The following DIAPH2 variants were observed in gnomAD, a reference collection of about 807,000 sequenced individuals.
DIAPH2 encodes diaphanous related formin 2.
Under a neutral mutation model 92.7 loss-of-function variants are expected in DIAPH2, and 35 were observed. The ratio of observed to expected loss-of-function variants is 0.38; its 90% CI spans 0.29 to 0.50. The LOEUF (loss-of-function observed/expected upper bound fraction) is 0.50. Among genes scored for constraint, DIAPH2 ranks in the 20% least tolerant of loss-of-function variants. DIAPH2 has a pLI of 0.94. For synonymous variants in DIAPH2, 301 were observed against 280.4 expected (o/e 1.07, Z -0.73); for missense variants, 701 against 819.5 (o/e 0.86, Z 1.77).
At chrX:97,357,188 T>C (rs1365760107) in intron 24 of DIAPH2, among the ~76,000 whole-genome samples, 1 of 111,700 alleles carries the variant, frequency 9.0e-6, no homozygotes, top group African/African-American at 3.3e-5. Context: ...AAGCTGACCT[T>C]TTCCAGAAGT....
chrX:97,565,347 T>G (rs1208415322), intron 26 of DIAPH2, among the ~76,000 whole-genome samples: 1 of 112,480 alleles, frequency 8.9e-6, no homozygotes, highest in Non-Finnish European at 1.9e-5. Flanking sequence ...CTTAACACAG[T>G]GCATGGTATC....
chrX:97,256,980 T>C (rs764210151), intron 23 of DIAPH2, among the ~76,000 whole-genome samples: 2 of 91,489 alleles, frequency 2.2e-5, no homozygotes, highest in African/African-American at 7.9e-5. Flanking sequence ...TGGTTTTAAA[T>C]TGCTTTACAA....
chrX:97,009,498 T>C (rs1205773656), intron 17 of DIAPH2, among the ~76,000 whole-genome samples: 1 of 111,808 alleles, frequency 8.9e-6, no homozygotes, highest in African/African-American at 3.3e-5. Flanking sequence ...AAAACTAGTG[T>C]CTCCCTGTAG....
chrX:96,707,280 T>G (rs916139528), intron 1 of DIAPH2, among the ~76,000 whole-genome samples: 1 of 108,268 alleles, frequency 9.2e-6, no homozygotes, highest in African/African-American at 3.4e-5. Flanking sequence ...GCGATTCTCA[T>G]GCCTCAGTCT....
intron 13 of DIAPH2, among the ~76,000 whole-genome samples, chrX:96,943,382 G>T (rs1285609207): frequency 1.8e-5 from 2 of 110,784 alleles, no homozygotes; most frequent in African/African-American, 6.5e-5. Context: ...TGTAAGTGAG[G>T]GTATGAACTT....
intron 22 of DIAPH2, among the ~76,000 whole-genome samples, chrX:97,161,260 A>G (rs1301201869): frequency 9.0e-6 from 1 of 110,623 alleles, no homozygotes; most frequent in Non-Finnish European, 1.9e-5. Flanking sequence ...TATGATGTAG[A>G]TAATACTTGG....
intron 26 of DIAPH2, among the ~76,000 whole-genome samples, chrX:97,512,345 C>T (rs1318469456): frequency 4.4e-5 from 5 of 112,588 alleles, no homozygotes; most frequent in South Asian, 3.5e-4. Flanking sequence ...TCTGTGGGAT[C>T]GGTGGTGATA....
chrX:97,224,806 T>C (rs2067952811), intron 22 of DIAPH2, among the ~76,000 whole-genome samples: 1 of 111,716 alleles, frequency 9.0e-6, no homozygotes, highest in Non-Finnish European at 1.9e-5. Context: ...ATATCTCTTA[T>C]TGGGCTGTCT....
In DIAPH2 at chrX:96,684,978, G is replaced by A; in HGVS notation, c.-81G>A. ...GAAGAGGTGCCGCCGAGTCAGCGCGGGGCAGTGTGAGCGCCCCGAGGTGCT... is the reference window on the plus strand; with the variant it reads ...GAAGAGGTGCCGCCGAGTCAGCGCGAGGCAGTGTGAGCGCCCCGAGGTGCT... On this transcript the variant is annotated 5_prime_UTR_variant, in exon 1 of 27. Coordinates refer to ENST00000324765, the MANE Select transcript of DIAPH2 (RefSeq NM_006729.5). 1.1e-6 allele frequency: 1 copy of A among 928,620 alleles called. No individual in the cohort carries two copies. Among genetic ancestry groups the A allele is most frequent in the Non-Finnish European group, 1.4e-6 (1 of 737,048 alleles). 76.5% of individuals were successfully genotyped at this position (928,620 alleles called of 1,213,427 possible). A position where few individuals can be genotyped will look rare whatever the true frequency, so the allele number is the denominator to read the frequency against.
At chrX:97,016,370 G>A (rs967971762) in intron 17 of DIAPH2, among the ~76,000 whole-genome samples, 6 of 111,991 alleles carry the variant, frequency 5.4e-5, no homozygotes, top group Admixed American at 9.5e-5. Flanking sequence ...ACTCATTGTT[G>A]ATCTTTTATA....
At chrX:97,219,019 G>A (rs1200629145) in intron 22 of DIAPH2, among the ~76,000 whole-genome samples, 1 of 111,429 alleles carries the variant, frequency 9.0e-6, no homozygotes, top group Non-Finnish European at 1.9e-5. Context: ...AGTTATCTGG[G>A]CCCTTACAAA....
chrX:97,583,948 C>T (rs750414905), intron 26 of DIAPH2, among the ~76,000 whole-genome samples: 80 of 111,533 alleles, frequency 7.2e-4, no homozygotes, highest in Middle Eastern at 4.7e-3. Flanking sequence ...AGGTGCCGTC[C>T]GTCACCCCTT....
At chrX:97,147,490 A>G (rs1199833014) in intron 22 of DIAPH2, among the ~76,000 whole-genome samples, 1 of 110,775 alleles carries the variant, frequency 9.0e-6, no homozygotes, top group Non-Finnish European at 1.9e-5. Context: ...CCCTGTGGCT[A>G]TCACTTTAAT....
At chrX:97,491,944 A>G (rs1017671172) in intron 26 of DIAPH2, among the ~76,000 whole-genome samples, 1 of 111,698 alleles carries the variant, frequency 9.0e-6, no homozygotes, top group Non-Finnish European at 1.9e-5. Flanking sequence ...GCAGTTCTAT[A>G]TTAAGCTGCT....
intron 4 of DIAPH2, among the ~76,000 whole-genome samples, chrX:96,810,878 T>A (rs1174799631): frequency 1.8e-5 from 2 of 111,628 alleles, no homozygotes; most frequent in Non-Finnish European, 3.8e-5. Flanking sequence ...ACTGGTCTGT[T>A]TCTCTGTTTT....
intron 26 of DIAPH2, among the ~76,000 whole-genome samples, chrX:97,586,669 C>T (rs1033458380): frequency 8.9e-6 from 1 of 111,997 alleles, no homozygotes; most frequent in African/African-American, 3.3e-5. Flanking sequence ...TACTTTTCTT[C>T]CAGGATAATT....
chrX:97,413,874 C>T (rs1358123138), intron 25 of DIAPH2, among the ~76,000 whole-genome samples: 1 of 111,509 alleles, frequency 9.0e-6, no homozygotes, highest in Non-Finnish European at 1.9e-5. Context: ...AGGAGGACTA[C>T]AAACCACCAC....
chrX:97,033,125 T>G lies in DIAPH2; in HGVS notation c.2051-39816T>G, dbSNP rs144060741. Among the ~76,000 whole-genome samples the G allele has an allele frequency of 8.0e-4, 90 of 111,900 alleles. No homozygotes were observed. The Middle Eastern group carries it at 0.014, about 17-fold the overall frequency. On this transcript the variant is annotated intron_variant, in intron 17 of 26. Coordinates refer to ENST00000324765, the MANE Select transcript of DIAPH2 (RefSeq NM_006729.5). ...CTTCTTTTTCTGGTAGAAAAACAAT[T>G]CCTAATATGCTATAAAAATTTTGTT...
At chrX:97,574,241 G>T (rs758657345) in intron 26 of DIAPH2, among the ~76,000 whole-genome samples, 9 of 111,883 alleles carry the variant, frequency 8.0e-5, no homozygotes, top group Non-Finnish European at 1.5e-4. Context: ...AAAATTAAAC[G>T]ATTTGCAATT....
Sources: gnomAD v4.1 joint callset for allele counts (sites outside exome capture counted in the v4.1 genomes callset) on GRCh38, gnomAD v4.1.1 for gene constraint, MANE v1.5 for transcripts, NCBI Gene and HGNC (gene_info 2026-07-23, HGNC 2026-07-21) for gene names.